The following ADAMTS14 variants were observed in gnomAD, a reference collection of about 807,000 sequenced individuals.
ADAMTS14 encodes the protein A disintegrin and metalloproteinase with thrombospondin motifs 14.
Under a neutral mutation model 128.6 loss-of-function variants are expected in ADAMTS14, and 100 were observed. The observed-to-expected ratio is 0.78, with a 90% CI of 0.66 to 0.92. The LOEUF (loss-of-function observed/expected upper bound fraction) is 0.92. Ranked by LOEUF, ADAMTS14 falls within the 40% of genes least tolerant of loss-of-function variation. ADAMTS14 has a pLI of 0.00. For missense variants in ADAMTS14, 1,562 were observed against 1,658.6 expected (o/e 0.94, Z 1.01); for synonymous variants, 665 against 653.8 (o/e 1.02, Z -0.26).
At chr10:70,697,780 G>GA (rs1840376364) in intron 2 of ADAMTS14, among the ~76,000 whole-genome samples, 6 of 127,342 alleles carry the variant, frequency 4.7e-5, no homozygotes, top group Admixed American at 3.8e-4. Context: ...CACCCTGAGG[G>GA]GCTTTCCCTG....
intron 4 of ADAMTS14, among the ~76,000 whole-genome samples, chr10:70,714,153 G>A (rs185162166): frequency 1.6e-4 from 25 of 152,184 alleles, no homozygotes; most frequent in African/African-American, 4.3e-4. Flanking sequence ...TGATTGTGCC[G>A]CTGCACTCCA....
intron 2 of ADAMTS14, among the ~76,000 whole-genome samples, chr10:70,679,456 G>A (rs1369398020): frequency 6.6e-6 from 1 of 152,312 alleles, no homozygotes; most frequent in East Asian, 1.9e-4. Context: ...AGGAACATGG[G>A]GTGGGGATCA....
chr10:70,752,343 A>G, intron 18 of ADAMTS14, 116 bp downstream of exon 18: 1 of 1,411,066 alleles, frequency 7.1e-7, no homozygotes, highest in Non-Finnish European at 9.4e-7. Context: ...ACGACCATAC[A>G]GGCAACACAA....
intron 3 of ADAMTS14, among the ~76,000 whole-genome samples, chr10:70,707,422 G>T (rs1318802581): frequency 6.6e-6 from 1 of 152,118 alleles, no homozygotes; most frequent in Non-Finnish European, 1.5e-5. Context: ...TGAGATGGAG[G>T]GAAAGTCATT....
intron 2 of ADAMTS14, among the ~76,000 whole-genome samples, chr10:70,694,810 A>G (rs1400660914): frequency 6.6e-6 from 1 of 152,110 alleles, no homozygotes; most frequent in Non-Finnish European, 1.5e-5. Flanking sequence ...GCTTGTTTCC[A>G]TCTTTTGAGT....
intron 19 of ADAMTS14, among the ~76,000 whole-genome samples, chr10:70,757,201 G>A (rs1466441940): frequency 1.3e-5 from 2 of 151,996 alleles, no homozygotes; most frequent in Non-Finnish European, 2.9e-5. Flanking sequence ...GTTTGTCAGA[G>A]TTAGAGTGGG....
intron 16 of ADAMTS14, among the ~76,000 whole-genome samples, chr10:70,750,369 A>G (rs917134924): frequency 2.0e-5 from 3 of 152,152 alleles, no homozygotes; most frequent in African/African-American, 4.8e-5. Context: ...TCGGGCCTTT[A>G]ATGCAGCTGA....
At chr10:70,737,451 G>A (rs959821091) in intron 10 of ADAMTS14, among the ~76,000 whole-genome samples, 2 of 152,170 alleles carry the variant, frequency 1.3e-5, no homozygotes, top group Non-Finnish European at 2.9e-5. Flanking sequence ...GTTGTTCTGA[G>A]GTAACTGACT....
intron 2 of ADAMTS14, among the ~76,000 whole-genome samples, chr10:70,693,268 T>C (rs1840241626): frequency 6.6e-6 from 1 of 152,170 alleles, no homozygotes; most frequent in Non-Finnish European, 1.5e-5. Context: ...ACATGAGATT[T>C]GGAGGGGATA....
At chr10:70,750,436 G>T (rs1842316256) in intron 16 of ADAMTS14, among the ~76,000 whole-genome samples, 1 of 152,166 alleles carries the variant, frequency 6.6e-6, no homozygotes, top group African/African-American at 2.4e-5. Context: ...GCACATCTCT[G>T]CCCATACCCC....
intron 10 of ADAMTS14, among the ~76,000 whole-genome samples, chr10:70,737,396 G>A (rs752893819): frequency 2.6e-5 from 4 of 152,202 alleles, no homozygotes; most frequent in East Asian, 1.9e-4. Flanking sequence ...ACCTTGGGCC[G>A]TTCATTGAAC....
chr10:70,684,690 G>A (rs1167493288), intron 2 of ADAMTS14, among the ~76,000 whole-genome samples: 1 of 152,232 alleles, frequency 6.6e-6, no homozygotes, highest in Non-Finnish European at 1.5e-5. Flanking sequence ...TCTTCTTCCT[G>A]CTGATGTCTT....
chr10:70,705,758 C>T (rs1172277198), intron 3 of ADAMTS14, among the ~76,000 whole-genome samples: 2 of 152,204 alleles, frequency 1.3e-5, no homozygotes, highest in South Asian at 2.1e-4. Context: ...TCCATGGGAT[C>T]GCCTGTCTTG....
At chr10:70,725,564 T>A (rs1193899843) in intron 4 of ADAMTS14, among the ~76,000 whole-genome samples, 1 of 152,204 alleles carries the variant, frequency 6.6e-6, no homozygotes, top group Non-Finnish European at 1.5e-5. Context: ...TCTCACTGTG[T>A]CCTCACATGG....
intron 4 of ADAMTS14, among the ~76,000 whole-genome samples, chr10:70,726,082 C>T (rs1841417860): frequency 6.6e-6 from 1 of 152,226 alleles, no homozygotes; most frequent in African/African-American, 2.4e-5. Flanking sequence ...TTTCTGTTTA[C>T]ATAGCATTTG....
intron 4 of ADAMTS14, among the ~76,000 whole-genome samples, chr10:70,719,958 T>G (rs1025567900): frequency 6.6e-6 from 1 of 152,222 alleles, no homozygotes; most frequent in East Asian, 1.9e-4. Context: ...GCCTGGGACA[T>G]CGAGGCTGCT....
chr10:70,688,652 G>A (rs1840069110), intron 2 of ADAMTS14, among the ~76,000 whole-genome samples: 1 of 112,430 alleles, frequency 8.9e-6, no homozygotes, highest in East Asian at 2.3e-4. Flanking sequence ...GATCACTCGC[G>A]GTTAGGGGCT....
At chr10:70,720,978 T>C (rs1259113020) in intron 4 of ADAMTS14, among the ~76,000 whole-genome samples, 1 of 152,180 alleles carries the variant, frequency 6.6e-6, no homozygotes, top group Non-Finnish European at 1.5e-5. Context: ...ACTTAGCATT[T>C]TTACTGTAGA....
chr10:70,685,180 G>A (rs1839919600), intron 2 of ADAMTS14, among the ~76,000 whole-genome samples: 1 of 152,198 alleles, frequency 6.6e-6, no homozygotes, highest in Non-Finnish European at 1.5e-5. Flanking sequence ...CAGCCCCAGG[G>A]TGGTACAGGC....
Sources: gnomAD v4.1 joint callset for allele counts (sites outside exome capture counted in the v4.1 genomes callset) on GRCh38, gnomAD v4.1.1 for gene constraint, MANE v1.5 for transcripts, NCBI Gene and HGNC (gene_info 2026-07-23, HGNC 2026-07-21) for gene names.